Variants in CRIM1 observed in about 807,000 individuals in gnomAD.
CRIM1 encodes cysteine rich transmembrane BMP regulator 1.
CRIM1 carries 32 observed loss-of-function variants against 116.4 expected under a neutral mutation model. The ratio of observed to expected loss-of-function variants is 0.27; its 90% confidence interval spans 0.21 to 0.37. The LOEUF (loss-of-function observed/expected upper bound fraction) is 0.37. CRIM1 is among the 10% of genes least tolerant of loss of function. The pLI is 1.00. For missense variants in CRIM1, 1,331 were observed against 1,354.8 expected, an observed-to-expected ratio of 0.98 and a Z score of 0.28; for synonymous variants, 590 against 509.2, an observed-to-expected ratio of 1.16 and a Z score of -2.13.
At chr2:36,518,614 A>C (rs1219884057) in intron 12 of CRIM1, among the ~76,000 whole-genome samples, 2 of 152,194 alleles carry the variant, frequency 1.3e-5, no homozygotes, top group Non-Finnish European at 2.9e-5. Flanking sequence ...TTACCATTTT[A>C]GTACAGAACT....
In CRIM1 at chr2:36,537,386, C is replaced by A. The variant is rs978005027; in HGVS notation, c.2463C>A (p.Phe821Leu). 9 of 1,614,234 alleles carry A rather than the reference C, an allele frequency of 5.6e-6. No individual in the cohort carries two copies. Among genetic ancestry groups the A allele is most frequent in the Admixed American group, 5.0e-5 (3 of 60,030 alleles). Residue 821 changes from phenylalanine (F) to leucine (L), a missense_variant, in exon 14 of 17, where the codon TTC becomes TTA. By Grantham distance (22) the Phe-to-Leu change is conservative. Transcript: ENST00000280527. Reference protein sequence around the residue: ...DTIPKKVVCHFSGKAYADEER... With the variant: ...DTIPKKVVCHLSGKAYADEER... ...TTCCAAAGAAGGTGGTGTGCCACTT[C>A]AGTGGGAAGGCCTATGCCGACGAGG...
intron 2 of CRIM1, among the ~76,000 whole-genome samples, chr2:36,416,535 A>G (rs1465534610): frequency 2.0e-5 from 3 of 152,224 alleles, no homozygotes; most frequent in Non-Finnish European, 4.4e-5. Context: ...CTCCTACTAC[A>G]ACACTGCGTT....
intron 2 of CRIM1, among the ~76,000 whole-genome samples, chr2:36,428,774 A>G (rs1674649367): frequency 6.6e-6 from 1 of 152,236 alleles, no homozygotes; most frequent in South Asian, 2.1e-4. Context: ...TCTTAAGGCA[A>G]AATACTTCCA....
chr2:36,356,693 C>T lies in CRIM1; in HGVS notation c.331+70C>T. ...CCCCCTCGGCGCTGGTTGTGCCGAA[C>T]AAAGTTTGGGCGAGACTTTCTGGAG... On this transcript the variant is annotated intron_variant, in intron 1 of 16. Transcript: ENST00000280527. The surrounding 1 kb of genome is among the most constrained non-coding windows in gnomAD (Gnocchi z 4.3). The T allele has an allele frequency of 6.8e-7, 1 of 1,469,568 alleles. No homozygotes were observed. Among genetic ancestry groups the T allele is most frequent in the South Asian group, 1.3e-5 (1 of 78,052 alleles). 91.0% of individuals were successfully genotyped at this position (1,469,568 alleles called of 1,614,324 possible).
At chr2:36,428,696 G>C (rs1273765964) in intron 2 of CRIM1, among the ~76,000 whole-genome samples, 5 of 152,192 alleles carry the variant, frequency 3.3e-5, no homozygotes, top group African/African-American at 1.2e-4. Flanking sequence ...TAGAGCTTTG[G>C]TAAGAAGTAC....
chr2:36,431,680 G>C (rs1468304621), intron 2 of CRIM1, among the ~76,000 whole-genome samples: 1 of 152,158 alleles, frequency 6.6e-6, no homozygotes, highest in African/African-American at 2.4e-5. Flanking sequence ...CTTTAATTCA[G>C]CAAGCGTTTG....
At chr2:36,411,308 A>G (rs1315624263) in intron 2 of CRIM1, among the ~76,000 whole-genome samples, 1 of 152,200 alleles carries the variant, frequency 6.6e-6, no homozygotes, top group Non-Finnish European at 1.5e-5. Flanking sequence ...CATGCCTCTC[A>G]GCCTGGCTTC....
At chr2:36,502,867 C>T (rs1373832818) in intron 8 of CRIM1, among the ~76,000 whole-genome samples, 1 of 152,188 alleles carries the variant, frequency 6.6e-6, no homozygotes, top group African/African-American at 2.4e-5. Flanking sequence ...CTTTGGATAT[C>T]ATTCTTGCCT....
chr2:36,377,221 C>T (rs1221922524), intron 1 of CRIM1, among the ~76,000 whole-genome samples: 5 of 152,220 alleles, frequency 3.3e-5, no homozygotes, highest in Admixed American at 6.5e-5. Context: ...GCCCTCTTGG[C>T]CCTGTTGCTT....
chr2:36,480,542 A>C (rs569813852), intron 7 of CRIM1, among the ~76,000 whole-genome samples: 7 of 152,178 alleles, frequency 4.6e-5, no homozygotes, highest in Non-Finnish European at 8.8e-5. Flanking sequence ...GATATTGAAA[A>C]ATGGACTTAT....
At chr2:36,427,916 C>G (rs1403413978) in intron 2 of CRIM1, among the ~76,000 whole-genome samples, 1 of 152,208 alleles carries the variant, frequency 6.6e-6, no homozygotes, top group Non-Finnish European at 1.5e-5. Context: ...CAGCACCTGG[C>G]TGGTGGACAG....
intron 8 of CRIM1, 32 bp downstream of exon 8, chr2:36,499,379 G>A: frequency 6.2e-7 from 1 of 1,606,600 alleles, no homozygotes; most frequent in Non-Finnish European, 8.5e-7. Context: ...TGTTTTTTCT[G>A]AGGCCTAATA....
At chr2:36,363,795 A>G (rs1428772953) in intron 1 of CRIM1, among the ~76,000 whole-genome samples, 1 of 152,310 alleles carries the variant, frequency 6.6e-6, no homozygotes, top group East Asian at 1.9e-4. Context: ...GAGTGTGCAC[A>G]CTGATGACCA....
chr2:36,383,482 C>T (rs947401997), intron 1 of CRIM1, among the ~76,000 whole-genome samples: 8 of 152,190 alleles, frequency 5.3e-5, no homozygotes, highest in Non-Finnish European at 8.8e-5. Context: ...TTTAAAGCTG[C>T]TTCTTTTTTT....
chr2:36,368,821 T>C (rs1292324227), intron 1 of CRIM1, among the ~76,000 whole-genome samples: 2 of 152,252 alleles, frequency 1.3e-5, no homozygotes, highest in African/African-American at 4.8e-5. Flanking sequence ...GTAATACTTT[T>C]TGCTTTTTGC....
chr2:36,377,690 A>G (rs1670429261), intron 1 of CRIM1, among the ~76,000 whole-genome samples: 1 of 152,230 alleles, frequency 6.6e-6, no homozygotes, highest in South Asian at 2.1e-4. Context: ...TTTGTACCTC[A>G]ACATCTGAAA....
intron 5 of CRIM1, among the ~76,000 whole-genome samples, chr2:36,465,596 T>C (rs891793723): frequency 6.6e-6 from 1 of 152,190 alleles, no homozygotes; most frequent in African/African-American, 2.4e-5. Flanking sequence ...TTTGGTTGCA[T>C]CCTGTGATTT....
intron 2 of CRIM1, among the ~76,000 whole-genome samples, chr2:36,404,346 A>T (rs559608228): frequency 6.6e-6 from 1 of 152,336 alleles, no homozygotes; most frequent in East Asian, 1.9e-4. Context: ...TCAGACCCAC[A>T]CCTGGAATTA....
At chr2:36,467,908 C>T (rs1023637111) in intron 5 of CRIM1, among the ~76,000 whole-genome samples, 16 of 152,346 alleles carry the variant, frequency 1.1e-4, no homozygotes, top group South Asian at 4.1e-4. Flanking sequence ...TTTCATCCCA[C>T]TGAATGATGA....
Sources: gnomAD v4.1 joint callset for allele counts (sites outside exome capture counted in the v4.1 genomes callset) on GRCh38, gnomAD v4.1.1 for gene constraint, Gnocchi (gnomAD v3.1) non-coding constraint, MANE v1.5 for transcripts, NCBI Gene and HGNC (gene_info 2026-07-23, HGNC 2026-07-21) for gene names.